The following PCDHA2 variants were observed in gnomAD, a reference collection of about 807,000 sequenced individuals.
PCDHA2 encodes protocadherin alpha-2.
A neutral mutation model predicts 66.0 loss-of-function variants in PCDHA2; 58 were observed. That is an observed-to-expected ratio of 0.88 (90% confidence interval 0.71 to 1.09). The LOEUF is 1.09. Ranked by LOEUF, PCDHA2 falls within the 50% of genes least tolerant of loss-of-function variation. The pLI, the probability that PCDHA2 is intolerant of heterozygous loss-of-function variation, is 0.00. For synonymous variants in PCDHA2, 634 were observed against 554.0 expected (o/e 1.14, Z -2.03); for missense variants, 1,267 against 1,242.3 (o/e 1.02, Z -0.30).
chr5:140,842,964 A>G, intron 1 of PCDHA2: 1 of 1,594,990 alleles, frequency 6.3e-7, no homozygotes, highest in East Asian at 2.2e-5. Flanking sequence ...CTGGGCAGCA[A>G]CGTGACGCTG....
At chr5:140,807,334 G>T (rs782485620) in intron 1 of PCDHA2, 5 of 1,613,364 alleles carry the variant, frequency 3.1e-6, no homozygotes, top group Admixed American at 3.3e-5. Context: ...GCCGCATCGC[G>T]CAGGACCTGG....
Position 140,859,254 on chromosome 5 carries a change from G to T in PCDHA2, c.2388+61902G>T, listed in dbSNP as rs1005222858. 2 of 131,816 alleles carry T rather than the reference G, an allele frequency of 1.5e-5. 1 individual carries two copies. The allele number at this position is 131,816 out of a possible 1,614,324, so 8.2% of individuals were successfully genotyped here. ...AGTCATGCTTATGTTTAATAATGAA[G>T]AGAATTTGAACACTTTTTACTTTTG... On this transcript the variant is annotated intron_variant, in intron 1 of 3. Transcript: ENST00000526136.
At chr5:140,919,841 GA>G (rs1318412572) in intron 1 of PCDHA2, among the ~76,000 whole-genome samples, 1 of 152,146 alleles carries the variant, frequency 6.6e-6, no homozygotes, top group Non-Finnish European at 1.5e-5. Context: ...GTAACCTTTG[GA>G]ACCTGTGACC....
chr5:140,805,135 T>C, intron 1 of PCDHA2: 2 of 1,575,436 alleles, frequency 1.3e-6, no homozygotes, highest in Non-Finnish European at 1.7e-6. Context: ...AAAGACATTT[T>C]GAAGACTTTG....
chr5:141,006,843 T>A (rs2098291274), intron 3 of PCDHA2, among the ~76,000 whole-genome samples: 1 of 152,154 alleles, frequency 6.6e-6, no homozygotes, highest in Non-Finnish European at 1.5e-5. Context: ...TTACTGAAAC[T>A]GGAAAGATTT....
At chr5:140,979,922 A>T (rs1317860679) in intron 2 of PCDHA2, among the ~76,000 whole-genome samples, 1 of 152,276 alleles carries the variant, frequency 6.6e-6, no homozygotes, top group Non-Finnish European at 1.5e-5. Flanking sequence ...GAGAAAGCCT[A>T]CAAAGTATGT....
chr5:140,823,380 C>G (rs2150125210), intron 1 of PCDHA2: 20 of 1,612,570 alleles, frequency 1.2e-5, no homozygotes, highest in Non-Finnish European at 1.6e-5. Flanking sequence ...TCCAGGTGAG[C>G]GCGCGCGACG....
chr5:140,886,841 A>AG (rs1432829346), intron 1 of PCDHA2, among the ~76,000 whole-genome samples: 1 of 151,546 alleles, frequency 6.6e-6, no homozygotes, highest in Non-Finnish European at 1.5e-5. Flanking sequence ...AAAAAAAAAA[A>AG]AAAAAAGAAA....
At chr5:140,969,342 G>A in intron 1 of PCDHA2, 1 of 1,613,630 alleles carries the variant, frequency 6.2e-7, no homozygotes, top group Non-Finnish European at 8.5e-7. Flanking sequence ...GTGAGACAGT[G>A]GTCAGGGGGT....
At position 140,851,857 on chromosome 5, in the gene PCDHA2, C is replaced by T. The variant is rs532607539; in HGVS notation, c.2388+54505C>T. 3 of 972,984 alleles carry T rather than the reference C, an allele frequency of 3.1e-6. No individual in the cohort carries two copies. The African/African-American group carries it at 5.3e-5, about 17-fold the overall frequency. The allele number at this position is 972,984 out of a possible 1,614,324, so 60.3% of individuals were successfully genotyped here. ...AAAATATCTTTTTCTCCTCTCAGCT[C>T]ATACATAACACAAGGCAGAAATCTG... is the stretch of plus-strand genomic sequence containing the variant. On this transcript the variant is annotated intron_variant, in intron 1 of 3. Coordinates refer to ENST00000526136, the MANE Select transcript of PCDHA2 (RefSeq NM_018905.3).
chr5:140,967,487 G>A lies in PCDHA2; in HGVS notation c.2389-11462G>A, dbSNP rs781929483. 60 of 1,613,172 alleles carry A rather than the reference G, an allele frequency of 3.7e-5. No individual in the cohort carries two copies. The highest frequency in any genetic ancestry group is 5.0e-5 in the Non-Finnish European group (59 of 1,179,674). ...GGGCATCCCAGCCCGCTCGGGTACG[G>A]CACAGATCTCTGTGCGTGTCCTGGA... On this transcript the variant is annotated intron_variant, in intron 1 of 3. Coordinates refer to ENST00000526136, the MANE Select transcript of PCDHA2 (RefSeq NM_018905.3).
intron 1 of PCDHA2, chr5:140,835,180 C>A: frequency 6.6e-7 from 1 of 1,515,706 alleles, no homozygotes; most frequent in Non-Finnish European, 8.9e-7. Context: ...CACCCCAATG[C>A]CTCAGATTTA....
At position 140,858,644 on chromosome 5, in the gene PCDHA2, C is replaced by T. The variant is rs1581517400; in HGVS notation, c.2388+61292C>T. ...CCAGTGTGTCAGCCTTTGATTGGTACTTAAATTTTTTTAAATAACAATTTA... is the reference window on the plus strand; with the variant it reads ...CCAGTGTGTCAGCCTTTGATTGGTATTTAAATTTTTTTAAATAACAATTTA... On this transcript the variant is annotated intron_variant, in intron 1 of 3. Coordinates refer to ENST00000526136, the MANE Select transcript of PCDHA2 (RefSeq NM_018905.3). 16 of 921,026 alleles carry T rather than the reference C, an allele frequency of 1.7e-5. 1 individual carries two copies. Among genetic ancestry groups the T allele is most frequent in the African/African-American group, 1.2e-4 (7 of 59,878 alleles). 57.1% of individuals were successfully genotyped at this position (921,026 alleles called of 1,614,324 possible).
intron 3 of PCDHA2, among the ~76,000 whole-genome samples, chr5:140,994,698 C>G (rs1238723224): frequency 6.6e-6 from 1 of 151,898 alleles, no homozygotes; most frequent in Non-Finnish European, 1.5e-5. Context: ...GAATGAGACC[C>G]TGTCTCAAAA....
chr5:140,877,138 C>T (rs2056878695), intron 1 of PCDHA2: 2 of 1,613,636 alleles, frequency 1.2e-6, no homozygotes, highest in Non-Finnish European at 1.7e-6. Flanking sequence ...GGTGTTCGTG[C>T]TGGACGAGAA....
chr5:140,983,900 G>T (rs1345141422), intron 3 of PCDHA2, among the ~76,000 whole-genome samples: 1 of 152,198 alleles, frequency 6.6e-6, no homozygotes, highest in Admixed American at 6.5e-5. Context: ...GGCATTCGTT[G>T]ATTCTAATCA....
intron 1 of PCDHA2, chr5:140,821,721 C>T: frequency 2.7e-6 from 4 of 1,501,544 alleles, no homozygotes; most frequent in Non-Finnish European, 2.7e-6. Flanking sequence ...ATTGAATTTA[C>T]AAAATACATT....
At chr5:140,829,703 C>T (rs1770501919) in intron 1 of PCDHA2, 1 of 1,613,284 alleles carries the variant, frequency 6.2e-7, no homozygotes, top group Non-Finnish European at 8.5e-7. Flanking sequence ...GGTGAGCGCG[C>T]GCGACGCGGG....
At chr5:140,889,240 T>C (rs782266675) in intron 1 of PCDHA2, among the ~76,000 whole-genome samples, 4 of 151,692 alleles carry the variant, frequency 2.6e-5, no homozygotes, top group Non-Finnish European at 4.4e-5. Context: ...TTCCAGAAAA[T>C]TTTCTGTTTC....
Sources: gnomAD v4.1 joint callset for allele counts (sites outside exome capture counted in the v4.1 genomes callset) on GRCh38, gnomAD v4.1.1 for gene constraint, MANE v1.5 for transcripts, NCBI Gene and HGNC (gene_info 2026-07-23, HGNC 2026-07-21) for gene names.